DYNC1I1: variants seen among roughly 807,000 people sequenced by gnomAD.
The protein encoded by DYNC1I1 is dynein cytoplasmic 1 intermediate chain 1.
In DYNC1I1, 43 loss-of-function variants were observed where a neutral mutation model predicts 86.6. That is an observed-to-expected ratio of 0.50 (90% CI 0.39 to 0.64). The LOEUF is 0.64. Ranked by LOEUF, DYNC1I1 falls within the 30% of genes least tolerant of loss-of-function variation. The pLI is 0.00. For missense variants in DYNC1I1, 604 were observed against 788.8 expected (o/e 0.77, Z 2.81); for synonymous variants, 262 against 283.7 (o/e 0.92, Z 0.77).
intron 5 of DYNC1I1, 79 bp downstream of exon 5, chr7:95,828,195 C>A: frequency 6.7e-7 from 1 of 1,494,036 alleles, no homozygotes; most frequent in South Asian, 1.1e-5. Context: ...TGTTGTTGCT[C>A]TTGTGTTCTC....
chr7:95,813,225 A>G lies in DYNC1I1; in HGVS notation c.224-22A>G, dbSNP rs780331670. ...GCCGCTGCATTTTTTAACATGGGAT[A>G]CCTGTTATTTTCATTATTTAGTCCC... is the stretch of plus-strand genomic sequence containing the variant. On this transcript the variant is annotated intron_variant, in intron 3 of 16. Transcript: ENST00000447467. The G allele has an allele frequency of 2.5e-6, 4 of 1,612,538 alleles. No individual in the cohort carries two copies. The highest frequency in any genetic ancestry group is 3.4e-6 in the Non-Finnish European group (4 of 1,179,454).
At chr7:95,987,722 C>T (rs1019134500) in intron 9 of DYNC1I1, among the ~76,000 whole-genome samples, 5 of 152,154 alleles carry the variant, frequency 3.3e-5, no homozygotes, top group Non-Finnish European at 7.3e-5. Context: ...CGCCCAATCT[C>T]CCTGCTGAAT....
At chr7:95,787,678 A>G (rs1404349009) in intron 1 of DYNC1I1, among the ~76,000 whole-genome samples, 1 of 152,236 alleles carries the variant, frequency 6.6e-6, no homozygotes, top group Non-Finnish European at 1.5e-5. Flanking sequence ...TCGGTGAACA[A>G]TATGGACAAA....
chr7:96,005,941 G>T (rs2115819602), intron 10 of DYNC1I1, among the ~76,000 whole-genome samples: 1 of 152,220 alleles, frequency 6.6e-6, no homozygotes, highest in East Asian at 1.9e-4. Context: ...TAGAACTGTA[G>T]CTTTTAATGG....
chr7:96,048,850 C>T lies in DYNC1I1; in HGVS notation c.1509+9429C>T, dbSNP rs1028025547. 1.1e-4 allele frequency among the ~76,000 whole-genome samples: 16 copies of T among 152,294 alleles called. No individual in the cohort carries two copies. In the South Asian group the frequency reaches 2.9e-3, roughly 28 times the overall value. On this transcript the variant is annotated intron_variant, in intron 14 of 16. Coordinates refer to ENST00000447467, the MANE Select transcript of DYNC1I1 (RefSeq NM_001135556.2). ...TTGAAACCCCAAATTAATTCTAACC[C>T]TTTATGTTGTCCTAAACAGTTACGC...
chr7:95,800,109 T>C (rs930042173), intron 1 of DYNC1I1, among the ~76,000 whole-genome samples: 4 of 148,328 alleles, frequency 2.7e-5, no homozygotes, highest in Admixed American at 6.9e-5. Context: ...TGATCAAAAC[T>C]GAGACATTTG....
intron 14 of DYNC1I1, among the ~76,000 whole-genome samples, chr7:96,062,118 C>G (rs577494998): frequency 6.6e-6 from 1 of 152,284 alleles, no homozygotes; most frequent in South Asian, 2.1e-4. Context: ...CCTCTGGAGC[C>G]AGGGCCCTGG....
chr7:95,894,458 TGG>T (rs34221456), intron 6 of DYNC1I1, among the ~76,000 whole-genome samples: 3 of 150,794 alleles, frequency 2.0e-5, no homozygotes, highest in Admixed American at 2.0e-4. Flanking sequence ...TACCTGAATT[TGG>T]GGGGGGGACA....
chr7:95,944,254 GC>G (rs1792329134), intron 6 of DYNC1I1, among the ~76,000 whole-genome samples: 1 of 152,188 alleles, frequency 6.6e-6, no homozygotes, highest in African/African-American at 2.4e-5. Context: ...TATTTATGCA[GC>G]CAAAAGACAC....
At chr7:96,042,944 G>A (rs1026410295) in intron 14 of DYNC1I1, among the ~76,000 whole-genome samples, 15 of 152,064 alleles carry the variant, frequency 9.9e-5, no homozygotes, top group Admixed American at 2.6e-4. Flanking sequence ...GGTGGATCAC[G>A]AGGTCAGAAG....
At chr7:95,962,235 C>A (rs1007914180) in intron 6 of DYNC1I1, among the ~76,000 whole-genome samples, 1 of 152,220 alleles carries the variant, frequency 6.6e-6, no homozygotes, top group Non-Finnish European at 1.5e-5. Flanking sequence ...CCAGCTCCAT[C>A]TGACTGCCCA....
intron 14 of DYNC1I1, among the ~76,000 whole-genome samples, chr7:96,063,198 G>A (rs1274579689): frequency 6.6e-6 from 1 of 151,386 alleles, no homozygotes; most frequent in Non-Finnish European, 1.5e-5. Flanking sequence ...ATAGCTGATG[G>A]TTGAGCCGTA....
At chr7:95,919,153 G>T (rs1420663937) in intron 6 of DYNC1I1, among the ~76,000 whole-genome samples, 1 of 152,042 alleles carries the variant, frequency 6.6e-6, no homozygotes, top group Non-Finnish European at 1.5e-5. Context: ...ATAAGGCTAT[G>T]CATTCTTGCA....
rs111453288 is a variant in DYNC1I1 at position 95,842,073 on chromosome 7, G to A, written c.374+13957G>A. 6.8e-3 allele frequency among the ~76,000 whole-genome samples: 1,038 copies of A among 152,264 alleles called. 10 individuals carry two copies. The highest frequency in any genetic ancestry group is 0.024 in the African/African-American group (978 of 41,536). On this transcript the variant is annotated intron_variant, in intron 5 of 16. Transcript: ENST00000447467. ...ACGGTTCAAACCCTTTACTCCTCAG[G>A]GAGAAACTGAGAGATGGAGGTTCCC... is the stretch of plus-strand genomic sequence containing the variant.
intron 16 of DYNC1I1, among the ~76,000 whole-genome samples, chr7:96,093,386 T>C (rs1790904290): frequency 6.6e-6 from 1 of 152,200 alleles, no homozygotes; most frequent in Non-Finnish European, 1.5e-5. Flanking sequence ...TGTCCAAATC[T>C]GAGGTTCATT....
At chr7:96,085,907 A>G (rs945294985) in intron 16 of DYNC1I1, among the ~76,000 whole-genome samples, 1 of 152,198 alleles carries the variant, frequency 6.6e-6, no homozygotes, top group Admixed American at 6.5e-5. Flanking sequence ...CTATTAATAT[A>G]CCTGAAAACA....
chr7:95,973,271 G>A (rs1320283041), intron 6 of DYNC1I1, among the ~76,000 whole-genome samples: 1 of 152,186 alleles, frequency 6.6e-6, no homozygotes, highest in East Asian at 1.9e-4. Context: ...TCTTTGCTGA[G>A]CAAGGCAAAC....
intron 6 of DYNC1I1, among the ~76,000 whole-genome samples, chr7:95,922,191 T>C (rs1791627749): frequency 6.6e-6 from 1 of 152,196 alleles, no homozygotes; most frequent in South Asian, 2.1e-4. Context: ...TCAGGATTTT[T>C]TTTTCTTTTC....
intron 10 of DYNC1I1, among the ~76,000 whole-genome samples, chr7:96,007,849 A>G (rs1794179053): frequency 6.6e-6 from 1 of 152,176 alleles, no homozygotes; most frequent in Admixed American, 6.5e-5. Flanking sequence ...CCTATATTAG[A>G]ATTTATATAT....
Sources: gnomAD v4.1 joint callset for allele counts (sites outside exome capture counted in the v4.1 genomes callset) on GRCh38, gnomAD v4.1.1 for gene constraint, MANE v1.5 for transcripts, NCBI Gene and HGNC (gene_info 2026-07-23, HGNC 2026-07-21) for gene names.